The following JADE3 variants were observed in gnomAD, a reference collection of about 807,000 sequenced individuals.
JADE3 encodes the protein protein Jade-3.
In JADE3, 2 loss-of-function variants were observed where a neutral mutation model predicts 50.1. That is an observed-to-expected ratio of 0.04 (90% CI 0.02 to 0.13). The LOEUF (loss-of-function observed/expected upper bound fraction) is 0.13. Among genes scored for constraint, JADE3 ranks in the 10% least tolerant of loss-of-function variants. The pLI, the probability that JADE3 is intolerant of heterozygous loss-of-function variation, is 1.00. For missense variants in JADE3, 475 were observed against 634.4 expected, an observed-to-expected ratio of 0.75 and a Z score of 2.70; for synonymous variants, 218 against 232.9, an observed-to-expected ratio of 0.94 and a Z score of 0.58.
chrX:46,928,289 T>C (rs1245896683), intron 1 of JADE3, among the ~76,000 whole-genome samples: 1 of 112,105 alleles, frequency 8.9e-6, no homozygotes, highest in Non-Finnish European at 1.9e-5. Context: ...GATTTTCCAC[T>C]ATCCCCAACT....
intron 6 of JADE3, among the ~76,000 whole-genome samples, chrX:47,029,387 G>A (rs1441513477): frequency 9.0e-6 from 1 of 111,642 alleles, no homozygotes; most frequent in East Asian, 2.8e-4. Context: ...GAAGCCTTCA[G>A]AAACTGTAAA....
At chrX:47,057,887 C>T (rs1431562548) in intron 10 of JADE3, among the ~76,000 whole-genome samples, 4 of 111,453 alleles carry the variant, frequency 3.6e-5, no homozygotes, top group African/African-American at 1.3e-4. Context: ...AGAGATGGGA[C>T]GCAGGAGGCA....
At chrX:46,960,836 G>A (rs1927242937) in intron 1 of JADE3, among the ~76,000 whole-genome samples, 1 of 111,222 alleles carries the variant, frequency 9.0e-6, no homozygotes, top group African/African-American at 3.3e-5. Flanking sequence ...TTAAAGGAGA[G>A]AGTGAGCCTG....
intron 1 of JADE3, among the ~76,000 whole-genome samples, chrX:46,924,937 C>T (rs782723664): frequency 2.7e-5 from 3 of 111,704 alleles, no homozygotes; most frequent in African/African-American, 9.8e-5. Context: ...CTTCAGCAGA[C>T]ATTTGTTGAG....
intron 1 of JADE3, among the ~76,000 whole-genome samples, chrX:46,977,857 G>A (rs1220269542): frequency 9.0e-6 from 1 of 111,598 alleles, no homozygotes; most frequent in Non-Finnish European, 1.9e-5. Flanking sequence ...GAGACTGGAA[G>A]AGTGTAATCC....
At chrX:47,052,217 C>T (rs782651859) in intron 8 of JADE3, among the ~76,000 whole-genome samples, 8 of 109,740 alleles carry the variant, frequency 7.3e-5, no homozygotes, top group Admixed American at 1.9e-4. Flanking sequence ...TTTGCCCCCC[C>T]CTATGAATAG....
chrX:46,926,628 A>G (rs931023871), intron 1 of JADE3, among the ~76,000 whole-genome samples: 7 of 112,065 alleles, frequency 6.2e-5, no homozygotes, highest in Admixed American at 1.9e-4. Context: ...GAACAGTTCT[A>G]TTACCCAAAA....
intron 3 of JADE3, among the ~76,000 whole-genome samples, chrX:46,990,231 T>C (rs1293703378): frequency 2.7e-5 from 3 of 111,825 alleles, no homozygotes; most frequent in African/African-American, 9.8e-5. Flanking sequence ...CTTAGTATGA[T>C]GAGTGATTTT....
rs181662671 is a variant in JADE3, at chrX:47,024,202, G to A, written c.285-522G>A. Among the ~76,000 whole-genome samples the A allele has an allele frequency of 4.6e-3, 520 of 112,201 alleles. 2 individuals carry two copies. The highest frequency in any genetic ancestry group is 0.016 in the African/African-American group (500 of 30,920). Reference sequence around the variant, plus strand: ...TGACGACATTTTATTAGAATGAATGGGCCAGTCGTGGTGGCTCACGCCAGT... The same window carrying A: ...TGACGACATTTTATTAGAATGAATGAGCCAGTCGTGGTGGCTCACGCCAGT... On this transcript the variant is annotated intron_variant, in intron 4 of 10. Coordinates refer to ENST00000614628, the MANE Select transcript of JADE3 (RefSeq NM_014735.5).
intron 8 of JADE3, among the ~76,000 whole-genome samples, chrX:47,053,876 T>C (rs1285858043): frequency 8.9e-6 from 1 of 111,741 alleles, no homozygotes; most frequent in Non-Finnish European, 1.9e-5. Context: ...TACATGACTG[T>C]TTACAGGAGC....
At chrX:47,046,641 G>C (rs1261063440) in intron 8 of JADE3, among the ~76,000 whole-genome samples, 1 of 112,175 alleles carries the variant, frequency 8.9e-6, no homozygotes, top group Non-Finnish European at 1.9e-5. Context: ...ACAAAGTACT[G>C]GAACACCAAA....
chrX:47,048,069 A>G (rs1929416477), intron 8 of JADE3, among the ~76,000 whole-genome samples: 1 of 111,413 alleles, frequency 9.0e-6, no homozygotes, highest in Admixed American at 9.6e-5. Flanking sequence ...CTTGGTGTTC[A>G]GCGATTTTAT....
intron 1 of JADE3, among the ~76,000 whole-genome samples, chrX:46,964,548 T>C (rs782596713): frequency 1.0e-3 from 116 of 111,995 alleles, no homozygotes; most frequent in Non-Finnish European, 1.7e-3. Flanking sequence ...TCCAGCTGTT[T>C]GAATCTTCCC....
In JADE3 at chrX:46,998,519, A is replaced by G. The variant is rs781802430; in HGVS notation, c.284+242A>G. On this transcript the variant is annotated intron_variant, in intron 4 of 10. Transcript: ENST00000614628. ...ATAGGATAAAACCATTTGAAGTCCA[A>G]TCTGAAATTATGATAAAATTTTGGA... Among the ~76,000 whole-genome samples the G allele has an allele frequency of 1.3e-3, 142 of 110,462 alleles. 1 individual carries two copies. The highest frequency in any genetic ancestry group is 4.4e-3 in the African/African-American group (133 of 30,439).
At chrX:46,957,169 A>G (rs979480068) in intron 1 of JADE3, among the ~76,000 whole-genome samples, 7 of 110,085 alleles carry the variant, frequency 6.4e-5, no homozygotes, top group Non-Finnish European at 1.1e-4. Context: ...TCCTTTGGTC[A>G]CCTCTTCTAA....
chrX:46,964,178 G>C (rs1927320991), intron 1 of JADE3, among the ~76,000 whole-genome samples: 2 of 111,882 alleles, frequency 1.8e-5, no homozygotes, highest in Admixed American at 1.9e-4. Flanking sequence ...ATTAATCCTG[G>C]ATCCTTGCAA....
intron 5 of JADE3, among the ~76,000 whole-genome samples, chrX:47,026,689 GA>G (rs1556365585): frequency 9.0e-6 from 1 of 111,428 alleles, no homozygotes; most frequent in African/African-American, 3.3e-5. Flanking sequence ...TATGAATTAA[GA>G]ACTTTTTAAG....
chrX:47,012,628 T>G (rs960421900), intron 4 of JADE3, among the ~76,000 whole-genome samples: 3 of 110,930 alleles, frequency 2.7e-5, no homozygotes, highest in African/African-American at 6.6e-5. Context: ...ATCTGTTTTT[T>G]TTTTTGTTGT....
At chrX:46,923,393 C>CTCGTTTTTTTTTT (rs1556338199) in intron 1 of JADE3, among the ~76,000 whole-genome samples, 1 of 11,525 alleles carries the variant, frequency 8.7e-5, no homozygotes, top group Non-Finnish European at 2.0e-4. Flanking sequence ...CTCTCTCTCT[C>CTCGTTTTTTTTTT]TTTTTTTTTT....
Sources: gnomAD v4.1 joint callset for allele counts (sites outside exome capture counted in the v4.1 genomes callset) on GRCh38, gnomAD v4.1.1 for gene constraint, MANE v1.5 for transcripts, NCBI Gene and HGNC (gene_info 2026-07-23, HGNC 2026-07-21) for gene names.